Variants in TRIM14 observed in about 807,000 individuals in gnomAD.
TRIM14 encodes tripartite motif containing 14.
TRIM14 carries 28 observed loss-of-function variants against 44.5 expected under a neutral mutation model. That is an observed-to-expected ratio of 0.63 (90% confidence interval 0.47 to 0.86). The LOEUF is 0.86. Among genes scored for constraint, TRIM14 ranks in the 40% least tolerant of loss-of-function variants. The probability of loss-of-function intolerance (pLI) is 0.00; values close to 1 mark genes in which losing one functional copy is unlikely to be tolerated. For synonymous variants in TRIM14, 299 were observed against 269.2 expected, an observed-to-expected ratio of 1.11 and a Z score of -1.08; for missense variants, 607 against 611.1, an observed-to-expected ratio of 0.99 and a Z score of 0.07.
intron 2 of TRIM14, among the ~76,000 whole-genome samples, chr9:98,105,750 AT>A (rs1268602216): frequency 6.6e-6 from 1 of 152,214 alleles, no homozygotes; most frequent in Admixed American, 6.5e-5. Flanking sequence ...GGGCCTGGCC[AT>A]CCAGGGGGAG....
At chr9:98,053,608 C>A in the TRIM14 span, among the ~76,000 whole-genome samples, 2 of 149,970 alleles carry the variant, frequency 1.3e-5, no homozygotes, top group South Asian at 2.1e-4. Context: ...ATTAATCAGA[C>A]CTTTGTAGAG....
At chr9:98,059,963 T>G in the TRIM14 span, among the ~76,000 whole-genome samples, 2 of 152,210 alleles carry the variant, frequency 1.3e-5, no homozygotes, top group Non-Finnish European at 2.9e-5. Flanking sequence ...TTCCTGTCCC[T>G]GAGAGGGCCT....
downstream of TRIM14, chr9:98,083,080 C>A (rs373701386): frequency 6.2e-7 from 1 of 1,607,112 alleles, no homozygotes; most frequent in Non-Finnish European, 8.5e-7. Context: ...TCTCTGAATT[C>A]TCAGTTCCCT....
rs1219731616 is a variant in TRIM14 at position 98,119,153 on chromosome 9, C to G, written c.36G>C (p.Gly12=). The part of the protein sequence containing the change: ...AGAATGSRTP[G]RSELVEGCGW... ...CGCATCCCTCGACAAGCTCCGACCTCCCAGGGGTCCGGCTCCCGGTCGCCG... is the reference window on the plus strand; with the variant it reads ...CGCATCCCTCGACAAGCTCCGACCTGCCAGGGGTCCGGCTCCCGGTCGCCG... The change falls in exon 1 of 6, where the codon GGG becomes GGC. Residue 12 remains glycine (G), a synonymous_variant. Transcript: ENST00000341469. 1 of 1,582,782 alleles carries G rather than the reference C, an allele frequency of 6.3e-7. No individual in the cohort carries two copies. The highest frequency in any genetic ancestry group is 8.5e-7 in the Non-Finnish European group (1 of 1,174,190).
intron 3 of TRIM14, among the ~76,000 whole-genome samples, chr9:98,098,854 C>T (rs866072659): frequency 3.3e-5 from 5 of 151,988 alleles, no homozygotes; most frequent in African/African-American, 1.2e-4. Context: ...GGCATGATCT[C>T]GTTACTCACT....
the TRIM14 span, among the ~76,000 whole-genome samples, chr9:98,063,844 G>GT: frequency 1.3e-5 from 2 of 152,100 alleles, no homozygotes; most frequent in Non-Finnish European, 2.9e-5. Context: ...CACCCAGCCT[G>GT]TTTTTTTGTG....
intron 1 of TRIM14, among the ~76,000 whole-genome samples, chr9:98,116,301 C>CAA (rs35650458): frequency 1.6e-4 from 16 of 98,596 alleles, no homozygotes; most frequent in South Asian, 6.6e-4. Flanking sequence ...GACCCTGTCT[C>CAA]AAAAAAAAAA....
the TRIM14 span, among the ~76,000 whole-genome samples, chr9:98,049,441 T>C: frequency 6.6e-6 from 1 of 150,728 alleles, no homozygotes; most frequent in African/African-American, 2.4e-5. Context: ...CCTAATTATA[T>C]GCTAAAGAAG....
In TRIM14 at chr9:98,119,087, G is replaced by T; in HGVS notation, c.102C>A (p.Leu34=). The part of the protein sequence containing the change: ...CPEHGDRVAE[L]FCRRCRRCVC... ...CGCAGCGGCGGCAGCGGCGACAGAA[G>T]AGCTCAGCCACGCGGTCGCCATGCT... The change falls in exon 1 of 6, where the codon CTC becomes CTA. Residue 34 remains leucine, a synonymous_variant. Transcript: ENST00000341469. 1 of 1,585,664 alleles carries T rather than the reference G, an allele frequency of 6.3e-7. No homozygotes were observed.
At chr9:98,078,461 T>C (rs1829693709) in intron 6 of TRIM14, 1 of 1,312,818 alleles carries the variant, frequency 7.6e-7, no homozygotes, top group Non-Finnish European at 1.0e-6. Flanking sequence ...TGAACATCCT[T>C]TGACAGTCTT....
At chr9:98,097,375 C>G (rs113657873) in intron 3 of TRIM14, among the ~76,000 whole-genome samples, 1 of 152,146 alleles carries the variant, frequency 6.6e-6, no homozygotes. Context: ...GGTTCCCCAG[C>G]CTGTCAAGCT....
chr9:98,071,004 G>A (rs1180151673), intron 6 of TRIM14, among the ~76,000 whole-genome samples: 2 of 150,982 alleles, frequency 1.3e-5, no homozygotes, highest in Non-Finnish European at 3.0e-5. Flanking sequence ...GTAGAGATGG[G>A]GTCTCCCTAT....
At chr9:98,056,972 G>A in the TRIM14 span, 55 of 1,545,998 alleles carry the variant, frequency 3.6e-5, no homozygotes, top group East Asian at 4.4e-4. Context: ...CCCGGGATTC[G>A]GGCGCCGGGA....
the TRIM14 span, chr9:98,056,591 GCCGCCCTTCCCGCGGGAGGCC>G: frequency 3.2e-5 from 20 of 618,228 alleles, no homozygotes; most frequent in South Asian, 6.4e-5. Flanking sequence ...GACCCGCCCC[GCCGCCCTTCCCGCGGGAGGCC>G]CCGCCCCCGC....
At chr9:98,114,566 C>T (rs924064861) in intron 1 of TRIM14, among the ~76,000 whole-genome samples, 4 of 152,202 alleles carry the variant, frequency 2.6e-5, no homozygotes, top group African/African-American at 9.7e-5. Context: ...TCGTGATCGG[C>T]CCGCCTCAGC....
At chr9:98,054,408 A>T in the TRIM14 span, among the ~76,000 whole-genome samples, 1 of 152,150 alleles carries the variant, frequency 6.6e-6, no homozygotes, top group Non-Finnish European at 1.5e-5. Context: ...GACTCTTCCT[A>T]CTAATTAGGG....
intron 2 of TRIM14, among the ~76,000 whole-genome samples, chr9:98,107,924 T>C (rs1826683848): frequency 6.6e-6 from 1 of 152,102 alleles, no homozygotes; most frequent in Non-Finnish European, 1.5e-5. Context: ...TGCCTCAGCC[T>C]ACCAAAGTGC....
At chr9:98,041,973 G>A in the TRIM14 span, among the ~76,000 whole-genome samples, 2 of 151,416 alleles carry the variant, frequency 1.3e-5, no homozygotes, top group African/African-American at 4.8e-5. Flanking sequence ...AAGAGCCACC[G>A]CGCCTGGCCT....
intron 5 of TRIM14, 56 bp from the exon 6 acceptor site, chr9:98,088,061 GC>G: frequency 1.4e-6 from 2 of 1,393,436 alleles, no homozygotes; most frequent in Admixed American, 3.7e-5. Flanking sequence ...GCGGCGCCCC[GC>G]CCCCGGGAAC....
Sources: allele counts gnomAD v4.1 joint callset (sites outside exome capture counted in the v4.1 genomes callset), GRCh38; gene constraint gnomAD v4.1.1; transcripts MANE v1.5; gene names NCBI Gene and HGNC (gene_info 2026-07-23, HGNC 2026-07-21).